The following NXN variants were observed in gnomAD, a reference collection of about 807,000 sequenced individuals.
NXN encodes the protein nucleoredoxin.
Under a neutral mutation model 48.6 loss-of-function variants are expected in NXN, and 16 were observed. That is an observed-to-expected ratio of 0.33 (90% CI 0.22 to 0.50). The LOEUF (loss-of-function observed/expected upper bound fraction) is 0.50. Ranked by LOEUF, NXN falls within the 20% of genes least tolerant of loss-of-function variation. NXN has a pLI of 0.98. For missense variants in NXN, 492 were observed against 605.5 expected (o/e 0.81, Z 1.97); for synonymous variants, 281 against 269.6 (o/e 1.04, Z -0.41).
intron 1 of NXN, among the ~76,000 whole-genome samples, chr17:879,693 G>A (rs1273049633): frequency 6.6e-6 from 1 of 152,190 alleles, no homozygotes; most frequent in African/African-American, 2.4e-5. Context: ...GGCCTCTTGG[G>A]AACCCGCTGG....
At chr17:969,445 C>T (rs966931927) in intron 1 of NXN, among the ~76,000 whole-genome samples, 14 of 152,176 alleles carry the variant, frequency 9.2e-5, no homozygotes, top group Admixed American at 5.2e-4. Context: ...TGAAAGATCA[C>T]GGGTAAAAAC....
At chr17:938,069 C>G (rs2068929073) in intron 1 of NXN, among the ~76,000 whole-genome samples, 1 of 152,230 alleles carries the variant, frequency 6.6e-6, no homozygotes, top group Non-Finnish European at 1.5e-5. Flanking sequence ...GAAAACCCAC[C>G]AAGGCCAACC....
In NXN at chr17:805,064, A is replaced by G; in HGVS notation, c.1000+4T>C. ...CTCGCCCCCTGCCCCCGTGAGCTTC[A>G]TACCTACAAAAAGGACGAGGCAGGG... On this transcript the variant is annotated splice_donor_region_variant and intron_variant, in intron 6 of 7. Transcript: ENST00000336868. 1 of 1,580,540 alleles carries G rather than the reference A, an allele frequency of 6.3e-7. No individual in the cohort carries two copies.
At chr17:947,886 A>AAAAAG (rs1251596155) in intron 1 of NXN, among the ~76,000 whole-genome samples, 1 of 149,366 alleles carries the variant, frequency 6.7e-6, no homozygotes, top group Non-Finnish European at 1.5e-5. Flanking sequence ...TGAAATACAA[A>AAAAAG]AAAAAAAAAA....
intron 1 of NXN, among the ~76,000 whole-genome samples, chr17:927,959 G>A (rs1011198375): frequency 6.6e-6 from 1 of 151,892 alleles, no homozygotes; most frequent in African/African-American, 2.4e-5. Flanking sequence ...TGAGAATCTG[G>A]GCTGGTGGTC....
chr17:926,137 T>A, intron 1 of NXN, among the ~76,000 whole-genome samples: 1 of 152,190 alleles, frequency 6.6e-6, no homozygotes, highest in East Asian at 1.9e-4. Flanking sequence ...TTCAAGACAA[T>A]GTTAGATCCG....
chr17:841,548 G>GGCGCATCTCACACCC (rs1914269081), intron 1 of NXN, among the ~76,000 whole-genome samples: 2 of 44,064 alleles, frequency 4.5e-5, no homozygotes, highest in South Asian at 6.3e-4. Flanking sequence ...ATCTCACGCC[G>GGCGCATCTCACACCC]GCGAGCAGGT....
chr17:842,430 T>C, intron 1 of NXN: 2 of 770,834 alleles, frequency 2.6e-6, no homozygotes, highest in South Asian at 5.8e-5. Context: ...GGTCCGGCTG[T>C]GGGCTGCAGT....
chr17:843,051 AGAAAGAAG>A (rs71145780), intron 1 of NXN, among the ~76,000 whole-genome samples: 5,110 of 121,580 alleles, frequency 0.042, 121 homozygotes, highest in African/African-American at 0.074. Flanking sequence ...AAAGAAAGAA[AGAAAGAAG>A]GAAGAAAGCA....
Position 917,388 on chromosome 17 carries a change from G to A in NXN, c.360+61931C>T, listed in dbSNP as rs1177139557. On this transcript the variant is annotated intron_variant, in intron 1 of 7. Coordinates refer to ENST00000336868, the MANE Select transcript of NXN (RefSeq NM_022463.5). This position sits in a 1 kb window ranked among gnomAD's most constrained non-coding sequence, Gnocchi z 4.5. ...AATCTCTTGACCTCGTGATCCGCCT[G>A]CCTTGGCCTCTGAAAGTGCTGGGCC... is the stretch of plus-strand genomic sequence containing the variant. Among the ~76,000 whole-genome samples, 1 of 152,230 alleles carries A rather than the reference G, an allele frequency of 6.6e-6. No homozygotes were observed. The highest frequency in any genetic ancestry group is 2.4e-5 in the African/African-American group (1 of 41,464).
chr17:815,153 T>TA (rs1454380023), intron 5 of NXN, among the ~76,000 whole-genome samples: 3 of 152,176 alleles, frequency 2.0e-5, no homozygotes, highest in Non-Finnish European at 4.4e-5. Flanking sequence ...ATACAAAAGA[T>TA]AAAAACAAAA....
At chr17:802,850 G>A (rs540911257) in intron 7 of NXN, among the ~76,000 whole-genome samples, 186 of 150,890 alleles carry the variant, frequency 1.2e-3, no homozygotes, top group Non-Finnish European at 2.4e-3. Context: ...CAAACACAGC[G>A]TGAAATCAGC....
chr17:906,353 T>C (rs2068581142), intron 1 of NXN, among the ~76,000 whole-genome samples: 1 of 150,764 alleles, frequency 6.6e-6, no homozygotes, highest in African/African-American at 2.4e-5. Flanking sequence ...AAATACCATG[T>C]TTTTTAAAGT....
intron 1 of NXN, among the ~76,000 whole-genome samples, chr17:897,593 C>T (rs1395370545): frequency 6.6e-6 from 1 of 152,202 alleles, no homozygotes; most frequent in Non-Finnish European, 1.5e-5. Context: ...CTTCACAATG[C>T]CCCGTCCTAG....
At chr17:914,616 ATGCTACCT>A (rs1279010392) in intron 1 of NXN, among the ~76,000 whole-genome samples, 2 of 152,254 alleles carry the variant, frequency 1.3e-5, no homozygotes, top group Non-Finnish European at 2.9e-5. Context: ...CATGTATGAA[ATGCTACCT>A]TGTGCTGAGC....
At chr17:914,749 C>T (rs2068669646) in intron 1 of NXN, among the ~76,000 whole-genome samples, 1 of 152,072 alleles carries the variant, frequency 6.6e-6, no homozygotes, top group Admixed American at 6.6e-5. Context: ...AGGGAGCGTA[C>T]CGTGATGTGG....
intron 5 of NXN, 26 bp from the exon 6 acceptor site, chr17:805,273 CGCTGGCCCGGGAGAT>C (rs1911429914): frequency 1.9e-5 from 30 of 1,590,712 alleles, no homozygotes; most frequent in Non-Finnish European, 2.6e-5. Context: ...GGTGCTTGGC[CGCTGGCCCGGGAGAT>C]GCTGGCCCTG....
At chr17:854,078 C>T (rs189475069) in intron 1 of NXN, among the ~76,000 whole-genome samples, 9 of 152,238 alleles carry the variant, frequency 5.9e-5, no homozygotes, top group African/African-American at 1.9e-4. Flanking sequence ...CACTGGACTA[C>T]AAAGCTCCAC....
Position 917,051 on chromosome 17 carries a change from G to A in NXN, c.360+62268C>T, listed in dbSNP as rs1422074210. Among the ~76,000 whole-genome samples, 2 of 152,276 alleles carry A rather than the reference G, an allele frequency of 1.3e-5. No individual in the cohort carries two copies. Among genetic ancestry groups the A allele is most frequent in the African/African-American group, 4.8e-5 (2 of 41,556 alleles). On this transcript the variant is annotated intron_variant, in intron 1 of 7. Coordinates refer to ENST00000336868, the MANE Select transcript of NXN (RefSeq NM_022463.5). This position sits in a 1 kb window ranked among gnomAD's most constrained non-coding sequence, Gnocchi z 4.5. Reference sequence around the variant, plus strand: ...TTATCAGACATTCCCTGTGTGTCCTGTTCTGTTATACATGCTGAAGCTACA... The same window carrying A: ...TTATCAGACATTCCCTGTGTGTCCTATTCTGTTATACATGCTGAAGCTACA...
Sources: allele counts gnomAD v4.1 joint callset (sites outside exome capture counted in the v4.1 genomes callset), GRCh38; gene constraint gnomAD v4.1.1; non-coding constraint Gnocchi (gnomAD v3.1); transcripts MANE v1.5; gene names NCBI Gene and HGNC (gene_info 2026-07-23, HGNC 2026-07-21).